The following EBLN1 variants were observed in gnomAD, a reference collection of about 807,000 sequenced individuals.
The protein encoded by EBLN1 is endogenous Bornavirus-like nucleoprotein 1.
A neutral mutation model predicts 0.8 loss-of-function variants in EBLN1; 1 was observed. The observed-to-expected ratio is 1.32, with a 90% CI of 0.47 to 6.26. EBLN1 has a LOEUF of 6.26. Among genes scored for constraint, EBLN1 ranks in the 30% most tolerant of loss-of-function variants. EBLN1 has a pLI of 0.15. For missense variants in EBLN1, 396 were observed against 447.9 expected, an observed-to-expected ratio of 0.88 and a Z score of 1.05; for synonymous variants, 158 against 158.5, an observed-to-expected ratio of 1.00 and a Z score of 0.02.
In EBLN1 at chr10:22,217,932, G is replaced by A. The variant is rs1834805756; in HGVS notation, c.-185C>T. On this transcript the variant is annotated 5_prime_UTR_variant, in exon 1 of 3. Transcript: ENST00000422359. ...TTGACTCACAGTTCTGCATGGCTGG[G>A]AAGGCCTCAGGAAACTACAAGCATG... 1 of 152,368 alleles carries A rather than the reference G, an allele frequency of 6.6e-6. No individual in the cohort carries two copies. Among genetic ancestry groups the A allele is most frequent in the African/African-American group, 2.4e-5 (1 of 41,458 alleles). The allele number at this position is 152,368 out of a possible 1,614,324, so 9.4% of individuals were successfully genotyped here.
At chr10:22,216,603 A>C (rs1834793862) in intron 1 of EBLN1, among the ~76,000 whole-genome samples, 1 of 152,234 alleles carries the variant, frequency 6.6e-6, no homozygotes, top group Admixed American at 6.5e-5. Flanking sequence ...TCAAAAACTT[A>C]GAATATTTGT....
At chr10:22,216,179 T>C (rs1049562812) in intron 1 of EBLN1, among the ~76,000 whole-genome samples, 1 of 151,488 alleles carries the variant, frequency 6.6e-6, no homozygotes, top group African/African-American at 2.4e-5. Flanking sequence ...TGTGCTTCTA[T>C]GATTTTTTTT....
chr10:22,216,979 G>A (rs1273543128), intron 1 of EBLN1, among the ~76,000 whole-genome samples: 1 of 152,144 alleles, frequency 6.6e-6, no homozygotes, highest in Non-Finnish European at 1.5e-5. Flanking sequence ...CTTGTGCGCT[G>A]CATCATTTTA....
Position 22,209,047 on chromosome 10 carries a change from T to C in EBLN1, c.937A>G (p.Asn313Asp). The change falls in exon 3 of 3, where the codon AAT becomes GAT. Residue 313 changes from asparagine to aspartate, a missense_variant. Physicochemically the swap from Asn to Asp is conservative, Grantham distance 23. Coordinates refer to ENST00000422359, the MANE Select transcript of EBLN1 (RefSeq NM_001394757.1). ...TAANYWAKRR[N>D]STFSGFEALD... ...GCTTCAAATCCAGAAAATGTGGAAT[T>C]CCTTCTTTTGGCCCAGTAGTTTGCT... 6.5e-7 allele frequency: 1 copy of C among 1,536,380 alleles called. No individual in the cohort carries two copies. Among genetic ancestry groups the C allele is most frequent in the Non-Finnish European group, 8.7e-7 (1 of 1,146,922 alleles).
intron 1 of EBLN1, among the ~76,000 whole-genome samples, chr10:22,214,806 G>A (rs534029344): frequency 6.2e-4 from 95 of 152,048 alleles, no homozygotes; most frequent in African/African-American, 2.1e-3. Flanking sequence ...CAAGACAAAT[G>A]AAAATATGTG....
Position 22,208,760 on chromosome 10 carries a change from G to A in EBLN1, c.*123C>T, listed in dbSNP as rs1834715500. 5.0e-6 allele frequency: 5 copies of A among 1,006,152 alleles called. No homozygotes were observed. The Middle Eastern group carries it at 8.8e-4, about 178-fold the overall frequency. The allele number at this position is 1,006,152 out of a possible 1,614,324, so 62.3% of individuals were successfully genotyped here. ...AAGAATAAAAGATTATAGAGAAGTT[G>A]CGATAGATGTCAGAGACAGACCAAG... On this transcript the variant is annotated 3_prime_UTR_variant, in exon 3 of 3. Transcript: ENST00000422359.
chr10:22,210,346 T>A (rs1834740134), intron 2 of EBLN1, among the ~76,000 whole-genome samples: 1 of 152,086 alleles, frequency 6.6e-6, no homozygotes, highest in Non-Finnish European at 1.5e-5. Flanking sequence ...ATCATCAAGA[T>A]CAGTAATATT....
rs1170802837 is a variant in EBLN1, at chr10:22,209,660, A to G, written c.324T>C (p.Asn108=). Residue 108 remains asparagine (N), a synonymous_variant, in exon 3 of 3, where the codon AAT becomes AAC. Transcript: ENST00000422359. ...AGAGAGTACCTGTTTCCTTGTTCTC[A>G]TTCCCAATCACAATATTAGACCTTT... ...VSKRSNIVIG[N]ENKETGTLYA... The G allele has an allele frequency of 6.5e-7, 1 of 1,535,750 alleles. No individual in the cohort carries two copies. The highest frequency in any genetic ancestry group is 8.7e-7 in the Non-Finnish European group (1 of 1,146,918).
intron 1 of EBLN1, among the ~76,000 whole-genome samples, chr10:22,214,217 G>C (rs767599873): frequency 2.0e-4 from 30 of 151,102 alleles, no homozygotes; most frequent in Non-Finnish European, 3.5e-4. Context: ...TTAAATTATA[G>C]AAAAATTACA....
chr10:22,208,783 A>C lies in EBLN1; in HGVS notation c.*100T>G. 7.7e-7 allele frequency: 1 copy of C among 1,297,108 alleles called. No homozygotes were observed. Among genetic ancestry groups the C allele is most frequent in the Non-Finnish European group, 1.0e-6 (1 of 979,380 alleles). The allele number at this position is 1,297,108 out of a possible 1,614,324, so 80.3% of individuals were successfully genotyped here. ...TTGCGATAGATGTCAGAGACAGACC[A>C]AGATTGAAAACAATAGGCAACACTC... On this transcript the variant is annotated 3_prime_UTR_variant, in exon 3 of 3. Transcript: ENST00000422359.
intron 1 of EBLN1, among the ~76,000 whole-genome samples, 23 bp downstream of exon 1, chr10:22,217,893 G>T (rs1447321107): frequency 6.6e-6 from 1 of 152,208 alleles, no homozygotes; most frequent in Non-Finnish European, 1.5e-5. Flanking sequence ...AATTTATAAG[G>T]AAAGGAGGTT....
chr10:22,214,546 A>G (rs754690544), intron 1 of EBLN1, among the ~76,000 whole-genome samples: 2 of 152,188 alleles, frequency 1.3e-5, no homozygotes, highest in Non-Finnish European at 2.9e-5. Flanking sequence ...GTAGAACTGA[A>G]AAATATTTGC....
chr10:22,208,833 T>C lies in EBLN1; in HGVS notation c.*50A>G, dbSNP rs1200628842. 4.2e-6 allele frequency: 6 copies of C among 1,442,868 alleles called. No individual in the cohort carries two copies. Among genetic ancestry groups the C allele is most frequent in the Non-Finnish European group, 5.4e-6 (6 of 1,103,050 alleles). The allele number at this position is 1,442,868 out of a possible 1,614,324, so 89.4% of individuals were successfully genotyped here. On this transcript the variant is annotated 3_prime_UTR_variant, in exon 3 of 3. Coordinates refer to ENST00000422359, the MANE Select transcript of EBLN1 (RefSeq NM_001394757.1). ...CAGATACTATTTTAGAATGTGATTT[T>C]CACATAATTTCTTTTTATATGTATA...
chr10:22,215,875 G>A (rs11012891), intron 1 of EBLN1, among the ~76,000 whole-genome samples: 3,690 of 152,026 alleles, frequency 0.024, 157 homozygotes, highest in African/African-American at 0.085. Context: ...ACACAGCAGG[G>A]AAAAATATAT....
chr10:22,215,937 A>G (rs527542403), intron 1 of EBLN1, among the ~76,000 whole-genome samples: 1 of 152,292 alleles, frequency 6.6e-6, no homozygotes, highest in South Asian at 2.1e-4. Context: ...AAATGACAGT[A>G]CAAAATTGTA....
chr10:22,212,111 C>T (rs138358087), intron 2 of EBLN1, among the ~76,000 whole-genome samples: 1 of 152,174 alleles, frequency 6.6e-6, no homozygotes, highest in East Asian at 1.9e-4. Flanking sequence ...TTGGTGTTCT[C>T]AGTGCCATAA....
In EBLN1 at chr10:22,208,896, G is replaced by A. The variant is rs757467446; in HGVS notation, c.1088C>T (p.Ser363Leu). The change falls in exon 3 of 3, where the codon TCG becomes TTG. Residue 363 changes from serine (S) to leucine (L), a missense_variant. Physicochemically the swap from Ser to Leu is moderately radical, Grantham distance 145 (BLOSUM62 -2). Coordinates refer to ENST00000422359, the MANE Select transcript of EBLN1 (RefSeq NM_001394757.1). The stretch of plus-strand genomic sequence containing the variant: ...TTCACGTATTTGTTATTCAAATCCC[G>A]AAATCCCATAACCGCGAAGGATGTT... ...TLNILRGYGI[S>L]GFE The A allele has an allele frequency of 1.7e-5, 26 of 1,522,358 alleles. No individual in the cohort carries two copies. Among genetic ancestry groups the A allele is most frequent in the African/African-American group, 2.8e-5 (2 of 72,340 alleles). The allele number at this position is 1,522,358 out of a possible 1,614,324, so 94.3% of individuals were successfully genotyped here.
chr10:22,208,884 T>C lies in EBLN1; in HGVS notation c.1100A>G (p.Ter367=), dbSNP rs1031472770. The C allele has an allele frequency of 7.2e-6, 11 of 1,519,280 alleles. No individual in the cohort carries two copies. The highest frequency in any genetic ancestry group is 3.7e-5 in the South Asian group (3 of 82,076). 94.1% of individuals were successfully genotyped at this position (1,519,280 alleles called of 1,614,324 possible). A position where few individuals can be genotyped will look rare whatever the true frequency, so the allele number is the denominator to read the frequency against. Residue 367 remains the stop codon, a stop_retained_variant, in exon 3 of 3, where the codon TAA becomes TGA. Coordinates refer to ENST00000422359, the MANE Select transcript of EBLN1 (RefSeq NM_001394757.1). ...LRGYGISGFE[*] ...TATAAGGATTAGTTCACGTATTTGT[T>C]ATTCAAATCCCGAAATCCCATAACC...
intron 1 of EBLN1, among the ~76,000 whole-genome samples, chr10:22,213,478 C>T (rs895352957): frequency 4.6e-5 from 7 of 152,118 alleles, no homozygotes; most frequent in African/African-American, 1.7e-4. Flanking sequence ...CTCCAGAGCC[C>T]ACTACTCACC....
Sources: gnomAD v4.1 joint callset for allele counts (sites outside exome capture counted in the v4.1 genomes callset) on GRCh38, gnomAD v4.1.1 for gene constraint, MANE v1.5 for transcripts, NCBI Gene and HGNC (gene_info 2026-07-23, HGNC 2026-07-21) for gene names.